IFRD1: variants seen among roughly 807,000 people sequenced by gnomAD.
IFRD1 encodes interferon-related developmental regulator 1.
IFRD1 carries 35 observed loss-of-function variants against 52.9 expected under a neutral mutation model. That is an observed-to-expected ratio of 0.66 (90% CI 0.51 to 0.88). The LOEUF (loss-of-function observed/expected upper bound fraction) is 0.88, where lower values mean the gene tolerates loss of function less well. Ranked by LOEUF, IFRD1 falls within the 40% of genes least tolerant of loss-of-function variation. The pLI, the probability that IFRD1 is intolerant of heterozygous loss-of-function variation, is 0.00. For synonymous variants in IFRD1, 184 were observed against 188.4 expected, an observed-to-expected ratio of 0.98 and a Z score of 0.19; for missense variants, 517 against 550.8, an observed-to-expected ratio of 0.94 and a Z score of 0.61.
chr7:112,465,044 A>T (rs1362743729), intron 8 of IFRD1, among the ~76,000 whole-genome samples: 2 of 152,232 alleles, frequency 1.3e-5, no homozygotes, highest in South Asian at 2.1e-4. Flanking sequence ...GAAATAAATA[A>T]GTCTTTTTAA....
chr7:112,466,163 A>G (rs989025286), intron 8 of IFRD1, among the ~76,000 whole-genome samples: 4 of 152,072 alleles, frequency 2.6e-5, no homozygotes, highest in African/African-American at 9.7e-5. Context: ...GCTCTATTAT[A>G]TAATTATCGT....
intron 5 of IFRD1, chr7:112,461,381 T>G (rs1232922936): frequency 6.5e-6 from 1 of 153,022 alleles, no homozygotes; most frequent in Non-Finnish European, 1.5e-5. Flanking sequence ...CTTCTTTAGC[T>G]CATATGTCTA....
chr7:112,466,016 G>A (rs190695168), intron 8 of IFRD1, among the ~76,000 whole-genome samples: 9 of 152,216 alleles, frequency 5.9e-5, no homozygotes, highest in African/African-American at 1.7e-4. Context: ...ATGGAGAGCA[G>A]TAGATTGATG....
At chr7:112,451,495 C>T (rs926666535) in intron 1 of IFRD1, among the ~76,000 whole-genome samples, 1 of 152,184 alleles carries the variant, frequency 6.6e-6, no homozygotes, top group Non-Finnish European at 1.5e-5. Context: ...CTCCTTTGTG[C>T]TGCATTCTAT....
At chr7:112,455,903 A>C in intron 2 of IFRD1, 36 bp downstream of exon 2, 1 of 1,516,544 alleles carries the variant, frequency 6.6e-7, no homozygotes, top group African/African-American at 1.4e-5. Context: ...AACTTTAGAT[A>C]AAATGTTTCA....
chr7:112,451,149 A>G (rs1795152691), intron 1 of IFRD1: 1 of 225,646 alleles, frequency 4.4e-6, no homozygotes, highest in Admixed American at 5.7e-5. Context: ...GTGGGGAAGA[A>G]CGGGGAGTTG....
At position 112,456,064 on chromosome 7, in the gene IFRD1, A is replaced by G; in HGVS notation, c.262A>G (p.Ile88Val). ...CCTAGAGTACAAGTTGAAGGGATTA[A>G]TTGACCTAACCCTGGATAAGAGGTA... Reference protein sequence around the residue: ...EDLEYKLKGLIDLTLDKSAKT... With the variant: ...EDLEYKLKGLVDLTLDKSAKT... Residue 88 changes from isoleucine (I) to valine (V), a missense_variant, in exon 3 of 12, where the codon ATT becomes GTT. By Grantham distance (29) the Ile-to-Val change is conservative (BLOSUM62 3). Transcript: ENST00000403825. The G allele has an allele frequency of 6.2e-7, 1 of 1,604,602 alleles. No homozygotes were observed. The highest frequency in any genetic ancestry group is 1.1e-5 in the South Asian group (1 of 90,884).
intron 11 of IFRD1, among the ~76,000 whole-genome samples, chr7:112,473,744 AT>A (rs1795823076): frequency 6.6e-6 from 1 of 151,994 alleles, no homozygotes. Flanking sequence ...AAAATCCTTA[AT>A]TTATGTATTT....
intron 9 of IFRD1, among the ~76,000 whole-genome samples, chr7:112,469,045 T>G (rs1182531600): frequency 1.3e-5 from 2 of 152,010 alleles, no homozygotes; most frequent in African/African-American, 2.4e-5. Flanking sequence ...CAGGTAAATA[T>G]TTTTTGGTAG....
In IFRD1 at chr7:112,475,644, C is replaced by G. The variant is rs1386158857; in HGVS notation, c.*125C>G. ...AACTTTTGTAGCAGTGGTTATATTG[C>G]TTATAATTTAATGTACAATACTATT... On this transcript the variant is annotated 3_prime_UTR_variant, in exon 12 of 12. Transcript: ENST00000403825. The G allele has an allele frequency of 3.0e-6, 2 of 664,738 alleles. No individual in the cohort carries two copies. The highest frequency in any genetic ancestry group is 5.3e-6 in the Non-Finnish European group (2 of 376,878). 41.2% of individuals were successfully genotyped at this position (664,738 alleles called of 1,614,324 possible).
chr7:112,431,297 CAATA>C (rs1794543226), intron 1 of IFRD1, among the ~76,000 whole-genome samples: 1 of 152,136 alleles, frequency 6.6e-6, no homozygotes, highest in Non-Finnish European at 1.5e-5. Context: ...TGATTGGTCT[CAATA>C]TATAAATATG....
rs180731048 is a variant in IFRD1, at chr7:112,470,357, G to A, written c.1042-1862G>A. ...AAGTAACGTTTCACTTAGGTCCGTC[G>A]ATTAGGTCCTTGGTGACCTTTATAA... On this transcript the variant is annotated intron_variant, in intron 9 of 11. Coordinates refer to ENST00000403825, the MANE Select transcript of IFRD1 (RefSeq NM_001550.4). 6.6e-5 allele frequency among the ~76,000 whole-genome samples: 10 copies of A among 152,294 alleles called. No homozygotes were observed. The East Asian group carries it at 1.7e-3, about 26-fold the overall frequency.
Position 112,439,946 on chromosome 7 carries a change from G to A in IFRD1, c.-181-10562G>A, listed in dbSNP as rs187495522. Among the ~76,000 whole-genome samples the A allele has an allele frequency of 5.9e-5, 9 of 152,162 alleles. No homozygotes were observed. The East Asian group carries it at 1.2e-3, about 20-fold the overall frequency. On this transcript the variant is annotated intron_variant, in intron 1 of 12. Transcript: ENST00000005558. Reference sequence around the variant, plus strand: ...AAGCAAGAGAGTAAGATGGATCTGCGGCAGGAAATCAATGATGTCTGCAAC... The same window carrying A: ...AAGCAAGAGAGTAAGATGGATCTGCAGCAGGAAATCAATGATGTCTGCAAC...
rs567434122 is a variant in IFRD1, at chr7:112,475,966, G to A, written c.*447G>A. ...CTGTATTTTTAATTTTTAATGGAAT[G>A]TAGCTTTTAAAATCCTGTCACTGGC... On this transcript the variant is annotated 3_prime_UTR_variant, in exon 12 of 12. Transcript: ENST00000403825. The A allele has an allele frequency of 3.0e-5, 5 of 166,260 alleles. No homozygotes were observed. The South Asian group carries it at 6.0e-4, about 20-fold the overall frequency. The allele number at this position is 166,260 out of a possible 1,614,324, so 10.3% of individuals were successfully genotyped here.
chr7:112,466,614 A>C (rs1351419878), intron 8 of IFRD1, among the ~76,000 whole-genome samples: 5 of 152,196 alleles, frequency 3.3e-5, no homozygotes, highest in Non-Finnish European at 7.3e-5. Flanking sequence ...GATCATCCCC[A>C]GTTGATAATC....
rs538934227 is a variant in IFRD1, at chr7:112,455,318, C to T, written c.95-445C>T. 2.6e-5 allele frequency among the ~76,000 whole-genome samples: 4 copies of T among 152,082 alleles called. No homozygotes were observed. In the East Asian group the frequency reaches 7.8e-4, roughly 30 times the overall value. ...CCAACATGGTGAAACCCTGTCTCTA[C>T]TAAAAATACACAAAAAATTTGTCAG... is the stretch of plus-strand genomic sequence containing the variant. On this transcript the variant is annotated intron_variant, in intron 1 of 11. Coordinates refer to ENST00000403825, the MANE Select transcript of IFRD1 (RefSeq NM_001550.4).
chr7:112,446,615 A>T (rs1361277907), upstream of IFRD1, among the ~76,000 whole-genome samples: 4 of 152,076 alleles, frequency 2.6e-5, no homozygotes, highest in African/African-American at 9.7e-5. Flanking sequence ...TGGAGAGTGG[A>T]AGAGTGGGAG....
chr7:112,466,533 T>A (rs1795613451), intron 8 of IFRD1, among the ~76,000 whole-genome samples: 2 of 152,142 alleles, frequency 1.3e-5, no homozygotes. Context: ...TAGGTGCCGA[T>A]AGCACCCCCT....
intron 1 of IFRD1, among the ~76,000 whole-genome samples, chr7:112,431,100 C>G (rs1006707386): frequency 1.3e-5 from 2 of 152,112 alleles, no homozygotes; most frequent in African/African-American, 4.8e-5. Context: ...CTACCAGTAT[C>G]CTGTGTATCC....
Sources: allele counts gnomAD v4.1 joint callset (sites outside exome capture counted in the v4.1 genomes callset), GRCh38; gene constraint gnomAD v4.1.1; transcripts MANE v1.5; gene names NCBI Gene and HGNC (gene_info 2026-07-23, HGNC 2026-07-21).